The following HMGXB4 variants were observed in gnomAD, a reference collection of about 807,000 sequenced individuals.
HMGXB4 encodes the protein HMG-box containing 4.
In HMGXB4, 27 loss-of-function variants were observed where a neutral mutation model predicts 63.9. The ratio of observed to expected loss-of-function variants is 0.42; its 90% CI spans 0.31 to 0.58. The LOEUF is 0.58. Ranked by LOEUF, HMGXB4 falls within the 20% of genes least tolerant of loss-of-function variation. The probability of loss-of-function intolerance (pLI) is 0.13; values close to 1 mark genes in which losing one functional copy is unlikely to be tolerated. For missense variants in HMGXB4, 624 were observed against 700.7 expected (o/e 0.89, Z 1.24); for synonymous variants, 264 against 265.3 (o/e 0.99, Z 0.05).
intron 8 of HMGXB4, among the ~76,000 whole-genome samples, chr22:35,287,780 C>A (rs1205301396): frequency 2.0e-5 from 3 of 152,124 alleles, no homozygotes; most frequent in Non-Finnish European, 2.9e-5. Context: ...GAAACCCCGT[C>A]TCTACTGAAA....
At chr22:35,262,919 A>G (rs959071442) in intron 2 of HMGXB4, 159 bp from the exon 3 acceptor site, 13 of 683,724 alleles carry the variant, frequency 1.9e-5, no homozygotes, top group Middle Eastern at 3.1e-4. Context: ...ATCAAGAAAT[A>G]TTCTGTTCCC....
At chr22:35,263,910 C>T (rs1438083627) in intron 4 of HMGXB4, 36 bp downstream of exon 4, 2 of 1,601,048 alleles carry the variant, frequency 1.2e-6, no homozygotes, top group South Asian at 1.1e-5. Flanking sequence ...GGGATAAACA[C>T]ATCGCTGGTT....
chr22:35,290,674 A>G (rs1301680362), intron 9 of HMGXB4, among the ~76,000 whole-genome samples: 1 of 149,294 alleles, frequency 6.7e-6, no homozygotes, highest in African/African-American at 2.5e-5. Flanking sequence ...ACCCATTGGC[A>G]GTTATTCCCC....
intron 5 of HMGXB4, among the ~76,000 whole-genome samples, chr22:35,282,936 T>C (rs750103940): frequency 2.0e-5 from 3 of 152,278 alleles, no homozygotes; most frequent in Non-Finnish European, 4.4e-5. Flanking sequence ...TTCTGTTTTA[T>C]ATATTTCTTG....
chr22:35,257,673 C>T (rs1389354961), intron 1 of HMGXB4, 116 bp downstream of exon 1: 1 of 152,328 alleles, frequency 6.6e-6, no homozygotes, highest in Admixed American at 6.5e-5. Flanking sequence ...CTGGGGTGCC[C>T]CAGGCCCTTC....
intron 6 of HMGXB4, among the ~76,000 whole-genome samples, chr22:35,284,544 C>G (rs770232015): frequency 2.0e-5 from 3 of 152,204 alleles, no homozygotes; most frequent in Non-Finnish European, 2.9e-5. Flanking sequence ...AAGACACTTA[C>G]ATTTGCATAC....
At chr22:35,262,181 GA>G in intron 1 of HMGXB4, 141 bp from the exon 2 acceptor site, 1 of 591,172 alleles carries the variant, frequency 1.7e-6, no homozygotes, top group South Asian at 2.0e-5. Context: ...TATTTACAAA[GA>G]GAATGAGGAG....
chr22:35,288,414 A>G lies in HMGXB4; in HGVS notation c.1638+7A>G, dbSNP rs781653914. 8.9e-6 allele frequency: 14 copies of G among 1,576,126 alleles called. No individual in the cohort carries two copies. The highest frequency in any genetic ancestry group is 1.7e-6 in the Non-Finnish European group (2 of 1,160,176). ...CCGTCTGCAGGAAACTGAGGTGAAT[A>G]CAACTATCAGCAGCATGACTACAGT... On this transcript the variant is annotated splice_region_variant and intron_variant, in intron 9 of 10. Coordinates refer to ENST00000216106, the MANE Select transcript of HMGXB4 (RefSeq NM_001003681.3).
At chr22:35,245,203 A>T in the HMGXB4 span, among the ~76,000 whole-genome samples, 1 of 152,016 alleles carries the variant, frequency 6.6e-6, no homozygotes. Context: ...TTCCGTCTTC[A>T]AGTTCACTTG....
chr22:35,283,967 AAAG>A lies in HMGXB4; in HGVS notation c.1227_1229del (p.Lys409del), dbSNP rs1308338015. 3.1e-6 allele frequency: 5 copies of A among 1,613,806 alleles called. No homozygotes were observed. Among genetic ancestry groups the A allele is most frequent in the African/African-American group, 1.3e-5 (1 of 74,938 alleles). On this transcript the variant is annotated inframe_deletion, in exon 6 of 11. Transcript: ENST00000216106. ...TATCTTCTATGCGGCATTAGCCAAA[AAAG>A]AAGAACATGTCGGCCTACCAGGTGT...
rs778682843 is a variant in HMGXB4 at position 35,263,866 on chromosome 22, A to G, written c.251A>G (p.Tyr84Cys). ...AGGAAGCACTCCTCTGATGATTACT[A>G]CTATGGAGGTGAGGATGGGAATGGG... Reference protein sequence around the residue: ...KKRKHSSDDYYYGDISSLESS... With the variant: ...KKRKHSSDDYCYGDISSLESS... Residue 84 changes from tyrosine (Y) to cysteine (C), a missense_variant, in exon 4 of 11, where the codon TAC (tyrosine) becomes TGC (cysteine). This residue lies in a region of HMGXB4 where 472 missense variants were observed against 470.6 expected (regional missense o/e 1.00). Coordinates refer to ENST00000216106, the MANE Select transcript of HMGXB4 (RefSeq NM_001003681.3). The G allele has an allele frequency of 3.7e-6, 6 of 1,613,116 alleles. No homozygotes were observed. Among genetic ancestry groups the G allele is most frequent in the Middle Eastern group, 3.3e-4 (2 of 6,060 alleles).
In HMGXB4 at chr22:35,294,566, G is replaced by A. The variant is rs1265810931; in HGVS notation, c.*915G>A. On this transcript the variant is annotated 3_prime_UTR_variant, in exon 11 of 11. Coordinates refer to ENST00000216106, the MANE Select transcript of HMGXB4 (RefSeq NM_001003681.3). ...TTCCCCTGGTGGGCAGATACACAGT[G>A]TTCTGCATTCCACATGTAAGTGAAT... 6.6e-6 allele frequency: 1 copy of A among 152,544 alleles called. No homozygotes were observed. The highest frequency in any genetic ancestry group is 2.1e-4 in the South Asian group (1 of 4,832). 9.4% of individuals were successfully genotyped at this position (152,544 alleles called of 1,614,324 possible).
chr22:35,265,628 G>A (rs764394032), intron 5 of HMGXB4, 25 bp downstream of exon 5: 9 of 1,513,150 alleles, frequency 5.9e-6, no homozygotes, highest in Non-Finnish European at 7.9e-6. Flanking sequence ...AAGTGTGGTG[G>A]GGGTAAGAGA....
In HMGXB4 at chr22:35,264,931, A is replaced by C. The variant is rs777644294; in HGVS notation, c.543A>C (p.Thr181=). 1.9e-6 allele frequency: 3 copies of C among 1,614,196 alleles called. No homozygotes were observed. The highest frequency in any genetic ancestry group is 2.5e-6 in the Non-Finnish European group (3 of 1,180,044). The change falls in exon 5 of 11, where the codon ACA becomes ACC. Residue 181 remains threonine (T), a synonymous_variant. Coordinates refer to ENST00000216106, the MANE Select transcript of HMGXB4 (RefSeq NM_001003681.3). ...KMKPLYVNTE[T]LTLREPDGLK... ...AACCTCTCTATGTGAACACAGAGAC[A>C]CTGACCCTTCGGGAGCCTGATGGTT...
chr22:35,256,421 T>A (rs1011462736), upstream of HMGXB4, among the ~76,000 whole-genome samples: 5 of 152,120 alleles, frequency 3.3e-5, no homozygotes, highest in Admixed American at 6.5e-5. Flanking sequence ...TGAGCGCTCC[T>A]CCAGTGGGAG....
chr22:35,279,436 G>T (rs953585753), intron 5 of HMGXB4, among the ~76,000 whole-genome samples: 2 of 151,916 alleles, frequency 1.3e-5, no homozygotes, highest in African/African-American at 4.8e-5. Context: ...ACTGCGCCCG[G>T]TGTCTTTTTA....
intron 8 of HMGXB4, among the ~76,000 whole-genome samples, 200 bp from the exon 9 acceptor site, chr22:35,288,038 A>G (rs979934115): frequency 3.9e-5 from 6 of 152,198 alleles, no homozygotes; most frequent in Non-Finnish European, 8.8e-5. Context: ...TTGTTTTTCT[A>G]TAGCCCTTTA....
At position 35,295,534 on chromosome 22, in the gene HMGXB4, G is replaced by A. The variant is rs900145057; in HGVS notation, c.*1883G>A. On this transcript the variant is annotated 3_prime_UTR_variant, in exon 11 of 11. Coordinates refer to ENST00000216106, the MANE Select transcript of HMGXB4 (RefSeq NM_001003681.3). Reference sequence around the variant, plus strand: ...TTATATACATTAATGAAATCCTGATGAGGACCTGCTTTTTGTTTGTTTTCC... The same window carrying A: ...TTATATACATTAATGAAATCCTGATAAGGACCTGCTTTTTGTTTGTTTTCC... 6.6e-6 allele frequency: 1 copy of A among 152,588 alleles called. No individual in the cohort carries two copies. The highest frequency in any genetic ancestry group is 2.4e-5 in the African/African-American group (1 of 41,426). 9.5% of individuals were successfully genotyped at this position (152,588 alleles called of 1,614,324 possible). A position where few individuals can be genotyped will look rare whatever the true frequency, so the allele number is the denominator to read the frequency against.
In HMGXB4 at chr22:35,260,500, A is replaced by T. The variant is rs541891351; in HGVS notation, c.-68-1823A>T. Reference sequence around the variant, plus strand: ...TCCGCTGAGAAAGTGTCATCCTTAAATGCTGGAACATGGAAAACTGGCTAC... The same window carrying T: ...TCCGCTGAGAAAGTGTCATCCTTAATTGCTGGAACATGGAAAACTGGCTAC... On this transcript the variant is annotated intron_variant, in intron 1 of 10. Transcript: ENST00000216106. 1.2e-3 allele frequency among the ~76,000 whole-genome samples: 187 copies of T among 152,364 alleles called. 1 individual carries two copies. The highest frequency in any genetic ancestry group is 4.4e-3 in the African/African-American group (182 of 41,578).
Sources: allele counts gnomAD v4.1 joint callset (sites outside exome capture counted in the v4.1 genomes callset), GRCh38; gene constraint gnomAD v4.1.1; regional missense constraint gnomAD v4.1.1; transcripts MANE v1.5; gene names NCBI Gene and HGNC (gene_info 2026-07-23, HGNC 2026-07-21).